NCOA3: variants seen among roughly 807,000 people sequenced by gnomAD.
NCOA3 encodes nuclear receptor coactivator 3.
Under a neutral mutation model 158.8 loss-of-function variants are expected in NCOA3, and 51 were observed. The observed-to-expected ratio is 0.32, with a 90% CI of 0.26 to 0.41. The LOEUF is 0.41. NCOA3 is among the 10% of genes least tolerant of loss of function. The pLI is 1.00. For synonymous variants in NCOA3, 537 were observed against 592.4 expected, an observed-to-expected ratio of 0.91 and a Z score of 1.36; for missense variants, 1,510 against 1,746.6, an observed-to-expected ratio of 0.86 and a Z score of 2.41.
At chr20:47,583,521 C>T (rs1320197721) in intron 2 of NCOA3, among the ~76,000 whole-genome samples, 2 of 152,176 alleles carry the variant, frequency 1.3e-5, no homozygotes, top group African/African-American at 2.4e-5. Flanking sequence ...CGACTCCCCC[C>T]AAACTTAACT....
intron 1 of NCOA3, among the ~76,000 whole-genome samples, chr20:47,509,267 G>A (rs944425082): frequency 6.6e-6 from 1 of 152,042 alleles, no homozygotes; most frequent in African/African-American, 2.4e-5. Flanking sequence ...GGTGATGTGC[G>A]CCTGTGGTCC....
At chr20:47,594,299 C>T (rs540105273) in intron 2 of NCOA3, among the ~76,000 whole-genome samples, 31 of 152,208 alleles carry the variant, frequency 2.0e-4, no homozygotes, top group African/African-American at 6.3e-4. Flanking sequence ...TTCTACATTA[C>T]GGAACCTTTT....
chr20:47,642,431 T>C (rs200015783), intron 17 of NCOA3, 47 bp downstream of exon 17: 33 of 1,409,118 alleles, frequency 2.3e-5, no homozygotes, highest in Middle Eastern at 2.0e-4. Context: ...TTTGTGTGTG[T>C]GCGCGCGTAC....
chr20:47,646,732 A>T (rs528017572), intron 17 of NCOA3, among the ~76,000 whole-genome samples: 79 of 152,290 alleles, frequency 5.2e-4, no homozygotes, highest in African/African-American at 1.9e-3. Context: ...GGGGTGAAGT[A>T]TGCTTCAAGA....
At position 47,635,795 on chromosome 20, in the gene NCOA3, A is replaced by C. The variant is rs982614755; in HGVS notation, c.1504+82A>C. The C allele has an allele frequency of 4.7e-6, 7 of 1,483,938 alleles. No individual in the cohort carries two copies. The African/African-American group carries it at 8.6e-5, about 18-fold the overall frequency. The allele number at this position is 1,483,938 out of a possible 1,614,324, so 91.9% of individuals were successfully genotyped here. Reference sequence around the variant, plus strand: ...ATACTACTATAATTCTTGTAAAGTTAATCTATTTTATAATAGAAACTTTGA... The same window carrying C: ...ATACTACTATAATTCTTGTAAAGTTCATCTATTTTATAATAGAAACTTTGA... On this transcript the variant is annotated intron_variant, in intron 11 of 22. Transcript: ENST00000371998.
intron 2 of NCOA3, among the ~76,000 whole-genome samples, chr20:47,593,992 A>G (rs1206180358): frequency 2.0e-5 from 3 of 152,224 alleles, no homozygotes; most frequent in African/African-American, 7.2e-5. Context: ...TTCTAATTAA[A>G]ATATGAACCA....
intron 1 of NCOA3, among the ~76,000 whole-genome samples, chr20:47,575,325 CG>C (rs1683310791): frequency 6.6e-6 from 1 of 152,052 alleles, no homozygotes; most frequent in Non-Finnish European, 1.5e-5. Flanking sequence ...TCTATATATA[CG>C]TATATGTAAA....
intron 1 of NCOA3, among the ~76,000 whole-genome samples, chr20:47,522,913 C>T (rs3091525): frequency 1.3e-5 from 2 of 151,120 alleles, no homozygotes; most frequent in African/African-American, 4.9e-5. Flanking sequence ...AAAACGAGCC[C>T]GGCGCGGTGG....
chr20:47,542,009 G>GTTTTTTT lies in NCOA3; in HGVS notation c.-99+40005_-99+40011dup, dbSNP rs755173294. On this transcript the variant is annotated intron_variant, in intron 1 of 22. Transcript: ENST00000371998. ...ATCAAATTATTTTTTGCCCTGTAGAGTTTTTTTTTTTTTTTTTTTTTGTTG... is the reference window on the plus strand; with the variant it reads ...ATCAAATTATTTTTTGCCCTGTAGAGTTTTTTTTTTTTTTTTTTTTTTTTTTTTGTTG... Among the ~76,000 whole-genome samples the GTTTTTTT allele has an allele frequency of 5.6e-3, 313 of 56,276 alleles. 4 individuals are homozygous for GTTTTTTT. Among genetic ancestry groups the GTTTTTTT allele is most frequent in the Non-Finnish European group, 7.2e-3 (207 of 28,642 alleles). The allele number at this position is 56,276 out of a possible 152,430, so 36.9% of individuals were successfully genotyped here. A position where few individuals can be genotyped will look rare whatever the true frequency, so the allele number is the denominator to read the frequency against.
chr20:47,573,476 C>T (rs1014204395), intron 1 of NCOA3, among the ~76,000 whole-genome samples: 1 of 152,080 alleles, frequency 6.6e-6, no homozygotes, highest in Non-Finnish European at 1.5e-5. Flanking sequence ...GAAAAAGCTT[C>T]TTGAGATAAT....
chr20:47,547,501 C>T (rs1048092331), intron 1 of NCOA3, among the ~76,000 whole-genome samples: 1 of 152,064 alleles, frequency 6.6e-6, no homozygotes, highest in East Asian at 1.9e-4. Flanking sequence ...CAAGCTCCAC[C>T]TCCCGGGTTC....
chr20:47,639,593 T>C lies in NCOA3; in HGVS notation c.2724T>C (p.Asn908=). The change falls in exon 15 of 23, where the codon AAT becomes AAC. Residue 908 remains asparagine (N), a synonymous_variant. Transcript: ENST00000371998. ...CTGTTTTAGGTGGGCCAAACCGAAA[T>C]GTGACTGTGACTCAGACTCCTTCCT... ...YGSSMGGPNR[N]VTVTQTPSSG... is the part of the protein sequence containing the mutation. 6.2e-7 allele frequency: 1 copy of C among 1,613,520 alleles called. No homozygotes were observed. Among genetic ancestry groups the C allele is most frequent in the African/African-American group, 1.3e-5 (1 of 75,008 alleles).
intron 1 of NCOA3, among the ~76,000 whole-genome samples, chr20:47,502,222 C>G (rs1401248160): frequency 6.6e-6 from 1 of 151,642 alleles, no homozygotes; most frequent in African/African-American, 2.4e-5. Flanking sequence ...GGGGGCGGCC[C>G]GCGGCGGTAG....
intron 1 of NCOA3, among the ~76,000 whole-genome samples, chr20:47,576,216 A>G (rs2085370062): frequency 6.6e-6 from 1 of 152,204 alleles, no homozygotes; most frequent in African/African-American, 2.4e-5. Context: ...GTGTATAGTA[A>G]TGGTTTGAGG....
In NCOA3 at chr20:47,531,379, G is replaced by A. The variant is rs116258477; in HGVS notation, c.-99+29360G>A. Among the ~76,000 whole-genome samples, 578 of 151,918 alleles carry A rather than the reference G, an allele frequency of 3.8e-3. 7 individuals carry two copies. Among genetic ancestry groups the A allele is most frequent in the African/African-American group, 0.014 (562 of 41,448 alleles). ...AACAAACAAACAAAAAGAAATTGGG[G>A]AATTCAAGATATATAAATGAACCTT... On this transcript the variant is annotated intron_variant, in intron 1 of 22. Transcript: ENST00000371998.
At chr20:47,580,542 A>G (rs1360473804) in intron 1 of NCOA3, among the ~76,000 whole-genome samples, 6 of 152,090 alleles carry the variant, frequency 3.9e-5, no homozygotes, top group Non-Finnish European at 8.8e-5. Flanking sequence ...TGTGCAACAG[A>G]GTGAAACTCC....
In NCOA3 at chr20:47,655,963, A is replaced by C. The variant is rs2086865617; in HGVS notation, c.*2546A>C. The C allele has an allele frequency of 6.6e-6, 1 of 152,098 alleles. No individual in the cohort carries two copies. Among genetic ancestry groups the C allele is most frequent in the Non-Finnish European group, 1.5e-5 (1 of 67,904 alleles). The allele number at this position is 152,098 out of a possible 1,614,324, so 9.4% of individuals were successfully genotyped here. A position where few individuals can be genotyped will look rare whatever the true frequency, so the allele number is the denominator to read the frequency against. ...GCAGTCTTTGAGATAATTTGTTTTT[A>C]CCTGTATTGCCCTTTATCTTTTTTA... On this transcript the variant is annotated 3_prime_UTR_variant, in exon 23 of 23. Coordinates refer to ENST00000371998, the MANE Select transcript of NCOA3 (RefSeq NM_181659.3).
chr20:47,572,345 AG>A, intron 1 of NCOA3, among the ~76,000 whole-genome samples: 1 of 152,032 alleles, frequency 6.6e-6, no homozygotes, highest in East Asian at 1.9e-4. Context: ...TCAAGGCTGC[AG>A]TGAGATGTGA....
At chr20:47,525,171 AAAGCACATCTTGC>A (rs2084407767) in intron 1 of NCOA3, among the ~76,000 whole-genome samples, 1 of 150,834 alleles carries the variant, frequency 6.6e-6, no homozygotes, top group Non-Finnish European at 1.5e-5. Flanking sequence ...TCTGTTTAAC[AAAGCACATCTTGC>A]ACCGCCCTTA....
Sources: allele counts gnomAD v4.1 joint callset (sites outside exome capture counted in the v4.1 genomes callset), GRCh38; gene constraint gnomAD v4.1.1; transcripts MANE v1.5; gene names NCBI Gene and HGNC (gene_info 2026-07-23, HGNC 2026-07-21).